Variants in SCLY observed in about 807,000 individuals in gnomAD.
SCLY encodes the protein putative selenocysteine lyase.
SCLY carries 38 observed loss-of-function variants against 50.1 expected under a neutral mutation model. The observed-to-expected ratio is 0.76, with a 90% CI of 0.59 to 0.99. SCLY has a LOEUF of 0.99. SCLY is among the 50% of genes least tolerant of loss of function. SCLY has a pLI of 0.00. For missense variants in SCLY, 600 were observed against 620.0 expected (o/e 0.97, Z 0.34); for synonymous variants, 243 against 249.4 (o/e 0.97, Z 0.24).
chr2:238,090,291 A>G (rs1273068324), intron 7 of SCLY, among the ~76,000 whole-genome samples: 2 of 152,204 alleles, frequency 1.3e-5, no homozygotes, highest in Non-Finnish European at 2.9e-5. Flanking sequence ...TGCAGAGAAA[A>G]TATCTATTGG....
intron 4 of SCLY, among the ~76,000 whole-genome samples, chr2:238,072,219 T>C (rs930869020): frequency 1.3e-5 from 2 of 152,208 alleles, no homozygotes; most frequent in Non-Finnish European, 2.9e-5. Context: ...TAACATGTAT[T>C]TAATTCATTT....
chr2:238,096,721 G>A (rs946007654), intron 10 of SCLY, 80 bp from the exon 11 acceptor site: 13 of 1,462,748 alleles, frequency 8.9e-6, no homozygotes, highest in African/African-American at 8.4e-5. Context: ...AGCAGCCTGC[G>A]CCCAGCAGGA....
At chr2:238,073,425 A>G (rs747592928) in intron 4 of SCLY, among the ~76,000 whole-genome samples, 3 of 152,228 alleles carry the variant, frequency 2.0e-5, no homozygotes, top group South Asian at 2.1e-4. Flanking sequence ...ATTGAATTGA[A>G]TCTGTAGATG....
chr2:238,096,846 G>A lies in SCLY; in HGVS notation c.1154G>A (p.Gly385Glu), dbSNP rs781741815. The change falls in exon 11 of 12, where the codon GGG becomes GAG. Residue 385 changes from glycine to glutamate, a missense_variant. By Grantham distance (98) the Gly-to-Glu change is moderately conservative. Transcript: ENST00000254663. Reference protein sequence around the residue: ...AQCRVLMASVGAACHSDHGDQ... With the variant: ...AQCRVLMASVEAACHSDHGDQ... The stretch of plus-strand genomic sequence containing the variant: ...TGCCGAGTGCTGATGGCCAGTGTGG[G>A]GGCCGCGTGCCACTCGGACCACGGG... 1 of 1,612,494 alleles carries A rather than the reference G, an allele frequency of 6.2e-7. No homozygotes were observed. Among genetic ancestry groups the A allele is most frequent in the Admixed American group, 1.7e-5 (1 of 59,864 alleles).
intron 4 of SCLY, chr2:238,078,601 C>T (rs977252188): frequency 5.3e-5 from 8 of 152,000 alleles, no homozygotes; most frequent in Non-Finnish European, 1.2e-4. Context: ...TACTCCTATA[C>T]AGTTCTGTTC....
At chr2:238,087,255 G>C (rs868294142) in intron 7 of SCLY, among the ~76,000 whole-genome samples, 10 of 151,778 alleles carry the variant, frequency 6.6e-5, no homozygotes, top group African/African-American at 2.4e-4. Context: ...CTTGAGCCCA[G>C]GACAGACCTC....
At position 238,098,562 on chromosome 2, in the gene SCLY, T is replaced by TGGG; in HGVS notation, c.*207_*208insGGG. 2 of 497,188 alleles carry TGGG rather than the reference T, an allele frequency of 4.0e-6. No homozygotes were observed. The highest frequency in any genetic ancestry group is 6.7e-6 in the Non-Finnish European group (2 of 297,484). The allele number at this position is 497,188 out of a possible 1,614,324, so 30.8% of individuals were successfully genotyped here. A position where few individuals can be genotyped will look rare whatever the true frequency, so the allele number is the denominator to read the frequency against. ...CAGGGCCCAGGACACCAACGCCGCA[T>TGGG]AGGACTGCCCACATGGGACCGCCCA... On this transcript the variant is annotated 3_prime_UTR_variant, in exon 12 of 12. Transcript: ENST00000254663.
At chr2:238,087,679 C>G (rs2065312648) in intron 7 of SCLY, among the ~76,000 whole-genome samples, 1 of 133,024 alleles carries the variant, frequency 7.5e-6, no homozygotes. Flanking sequence ...TATCCTGACA[C>G]TAAAACCAGA....
intron 4 of SCLY, chr2:238,073,777 C>T (rs1246529799): frequency 6.4e-6 from 3 of 466,486 alleles, no homozygotes; most frequent in African/African-American, 6.0e-5. Flanking sequence ...TCTTCCTCCT[C>T]CTCAGCCTAC....
chr2:238,065,692 T>TATTATTA (rs1559241293), intron 2 of SCLY, among the ~76,000 whole-genome samples: 2 of 148,566 alleles, frequency 1.3e-5, no homozygotes. Context: ...TTATTATTAT[T>TATTATTA]TTGAGATTGA....
chr2:238,094,022 C>T (rs1559252020), intron 9 of SCLY, 78 bp downstream of exon 9: 1 of 1,250,780 alleles, frequency 8.0e-7, no homozygotes, highest in Non-Finnish European at 1.1e-6. Context: ...GTGTGGTGCT[C>T]CCAGACCCCA....
rs147924326 is a variant in SCLY at position 238,091,301 on chromosome 2, A to G, written c.921+47A>G. On this transcript the variant is annotated intron_variant, in intron 8 of 11. Transcript: ENST00000254663. ...GAGATGAGTTGATTGCTTTGTCATC[A>G]GTGTCCCCAGCGGCTCTAGTAGGAA... 4.7e-4 allele frequency: 712 copies of G among 1,516,410 alleles called. 2 individuals are homozygous for G. The African/African-American group carries it at 8.1e-3, about 17-fold the overall frequency. 93.9% of individuals were successfully genotyped at this position (1,516,410 alleles called of 1,614,324 possible). A position where few individuals can be genotyped will look rare whatever the true frequency, so the allele number is the denominator to read the frequency against.
intron 11 of SCLY, among the ~76,000 whole-genome samples, 165 bp downstream of exon 11, chr2:238,097,041 C>T (rs1323005937): frequency 6.6e-6 from 1 of 152,160 alleles, no homozygotes; most frequent in Non-Finnish European, 1.5e-5. Flanking sequence ...GAAGAAGTGA[C>T]TTCCAAGCTG....
chr2:238,068,368 G>C, intron 3 of SCLY: 1 of 404,976 alleles, frequency 2.5e-6, no homozygotes. Flanking sequence ...GAGCAACATA[G>C]GGAAAGTCCA....
chr2:238,098,718 G>A lies in SCLY; in HGVS notation c.*363G>A, dbSNP rs938809410. On this transcript the variant is annotated 3_prime_UTR_variant, in exon 12 of 12. Transcript: ENST00000254663. ...TTAGCTTTATCCACCCTCCCCACTG[G>A]GAACTGGGCACGCCTGTTGTGAGTG... 2.2e-5 allele frequency: 9 copies of A among 407,240 alleles called. No homozygotes were observed. The highest frequency in any genetic ancestry group is 3.4e-5 in the Non-Finnish European group (8 of 232,498). The allele number at this position is 407,240 out of a possible 1,614,324, so 25.2% of individuals were successfully genotyped here.
At chr2:238,061,402 C>A in intron 1 of SCLY, 2 of 646,482 alleles carry the variant, frequency 3.1e-6, no homozygotes, top group Admixed American at 2.2e-5. Context: ...TTTGCAGGTT[C>A]TGGGGAAGCA....
At chr2:238,091,074 G>C (rs1476123669) in intron 7 of SCLY, 144 bp from the exon 8 acceptor site, 1 of 766,182 alleles carries the variant, frequency 1.3e-6, no homozygotes, top group Non-Finnish European at 2.3e-6. Context: ...GGGGCCTGCA[G>C]CTGCCATTGA....
Position 238,081,767 on chromosome 2 carries a change from C to T in SCLY, c.543C>T (p.Leu181=), listed in dbSNP as rs774413830. 15 of 1,614,064 alleles carry T rather than the reference C, an allele frequency of 9.3e-6. No individual in the cohort carries two copies. Among genetic ancestry groups the T allele is most frequent in the African/African-American group, 2.7e-5 (2 of 74,930 alleles). The change falls in exon 5 of 12, where the codon CTC becomes CTT. Residue 181 remains leucine (L), a synonymous_variant. Transcript: ENST00000254663. ...GGCAGGCAGAGGTGGACGACATCCT[C>T]GCGGCAGTCCGCCCGACCACACGCC... ...VSGQAEVDDI[L]AAVRPTTRLV...
intron 7 of SCLY, among the ~76,000 whole-genome samples, chr2:238,089,511 T>C (rs892307998): frequency 6.6e-6 from 1 of 152,182 alleles, no homozygotes; most frequent in African/African-American, 2.4e-5. Flanking sequence ...AGGCAAAAGA[T>C]GAACCTTGAC....
Sources: allele counts gnomAD v4.1 joint callset (sites outside exome capture counted in the v4.1 genomes callset), GRCh38; gene constraint gnomAD v4.1.1; transcripts MANE v1.5; gene names NCBI Gene and HGNC (gene_info 2026-07-23, HGNC 2026-07-21).